RECQL: variants seen among roughly 807,000 people sequenced by gnomAD.
RECQL encodes RecQ like helicase, also known as ATP-dependent DNA helicase Q1.
A neutral mutation model predicts 75.8 loss-of-function variants in RECQL; 73 were observed. The ratio of observed to expected loss-of-function variants is 0.96; its 90% CI spans 0.80 to 1.17. The LOEUF is 1.17. Ranked by LOEUF, RECQL falls within the 50% of genes most tolerant of loss-of-function variation. RECQL has a pLI of 0.00. For missense variants in RECQL, 699 were observed against 772.1 expected, an observed-to-expected ratio of 0.91 and a Z score of 1.12; for synonymous variants, 248 against 254.4, an observed-to-expected ratio of 0.97 and a Z score of 0.24.
rs780503655 is a variant in RECQL, at chr12:21,470,174, A to G, written c.*20T>C. The G allele has an allele frequency of 7.5e-6, 12 of 1,609,528 alleles. No individual in the cohort carries two copies. In the Admixed American group the frequency reaches 2.0e-4, roughly 27 times the overall value. ...ACATGCATAAACCATCTTTAATTAG[A>G]AAATTTAGTAACATTCATATCAGGC... On this transcript the variant is annotated 3_prime_UTR_variant, in exon 15 of 15. Coordinates refer to ENST00000444129, the MANE Select transcript of RECQL (RefSeq NM_002907.4).
Position 21,501,610 on chromosome 12 carries a change from C to G in RECQL, c.-486G>C, listed in dbSNP as rs1388716966. The G allele has an allele frequency of 5.1e-6, 2 of 391,262 alleles. No homozygotes were observed. The highest frequency in any genetic ancestry group is 9.4e-6 in the Non-Finnish European group (2 of 212,790). The allele number at this position is 391,262 out of a possible 1,614,324, so 24.2% of individuals were successfully genotyped here. A position where few individuals can be genotyped will look rare whatever the true frequency, so the allele number is the denominator to read the frequency against. ...TTCCGCTACTCGGGAGTAAAATCTT[C>G]CCGCCAGCCAGCTGAGAGCATCCAC... On this transcript the variant is annotated 5_prime_UTR_variant, in exon 1 of 15. Coordinates refer to ENST00000444129, the MANE Select transcript of RECQL (RefSeq NM_002907.4).
rs367657766 is a variant in RECQL at position 21,471,479 on chromosome 12, C to T, written c.1616G>A (p.Arg539His). The T allele has an allele frequency of 5.0e-6, 8 of 1,613,020 alleles. No individual in the cohort carries two copies. The highest frequency in any genetic ancestry group is 5.9e-6 in the Non-Finnish European group (7 of 1,179,406). ...TGCAATAATCTTCTCCAGATCTTCA[C>T]GAGGAAGTGTGGGAGCCACAACACC... ...VAGVVAPTLPREDLEKIIAHF... is the reference protein window; with the variant it reads ...VAGVVAPTLPHEDLEKIIAHF... The change falls in exon 13 of 15, where the codon CGT becomes CAT. Residue 539 changes from arginine to histidine, a missense_variant. Coordinates refer to ENST00000444129, the MANE Select transcript of RECQL (RefSeq NM_002907.4).
intron 6 of RECQL, among the ~76,000 whole-genome samples, chr12:21,481,689 G>A (rs1243154056): frequency 1.3e-5 from 2 of 152,114 alleles, no homozygotes; most frequent in Non-Finnish European, 2.9e-5. Context: ...CAGTCTTCGG[G>A]CTACAAGCTC....
rs1942938964 is a variant in RECQL, at chr12:21,471,014, A to C, written c.1752T>G (p.His584Gln). 2.5e-6 allele frequency: 4 copies of C among 1,596,824 alleles called. No homozygotes were observed. The highest frequency in any genetic ancestry group is 3.4e-6 in the Non-Finnish European group (4 of 1,173,572). Residue 584 changes from histidine (H) to glutamine (Q), a missense_variant, in exon 14 of 15, where the codon CAT becomes CAG. Coordinates refer to ENST00000444129, the MANE Select transcript of RECQL (RefSeq NM_002907.4). ...ACTTTGTCACTTGCATAGTAATAGC[A>C]TGTGCCTCATTGTTCAGAAGATTAG... ...PKANLLNNEA[H>Q]AITMQVTKST...
chr12:21,490,216 G>A lies in RECQL; in HGVS notation c.377C>T (p.Pro126Leu), dbSNP rs1267616869. 9.9e-6 allele frequency: 16 copies of A among 1,610,028 alleles called. No individual in the cohort carries two copies. The highest frequency in any genetic ancestry group is 1.4e-5 in the Non-Finnish European group (16 of 1,177,124). Reference protein sequence around the residue: ...GGGKSLCYQLPALCSDGFTLV... With the variant: ...GGGKSLCYQLLALCSDGFTLV... Reference sequence around the variant, plus strand: ...GTACATACCATCTGAACATAATGCTGGTAACTGGTAACATAAGCTCTTTCC... The same window carrying A: ...GTACATACCATCTGAACATAATGCTAGTAACTGGTAACATAAGCTCTTTCC... Residue 126 changes from proline to leucine, a missense_variant, in exon 4 of 15, where the codon CCA (proline) becomes CTA (leucine). By Grantham distance (98) the Pro-to-Leu change is moderately conservative. Coordinates refer to ENST00000444129, the MANE Select transcript of RECQL (RefSeq NM_002907.4).
At chr12:21,497,454 A>C (rs1943528638) in intron 2 of RECQL, among the ~76,000 whole-genome samples, 1 of 152,380 alleles carries the variant, frequency 6.6e-6, no homozygotes, top group African/African-American at 2.4e-5. Context: ...AAATTCTCCC[A>C]GTCAGCAGTA....
chr12:21,478,595 G>A (rs1482939175), intron 6 of RECQL, among the ~76,000 whole-genome samples: 1 of 152,154 alleles, frequency 6.6e-6, no homozygotes, highest in Non-Finnish European at 1.5e-5. Flanking sequence ...CATATACACT[G>A]CAAATACACT....
intron 6 of RECQL, among the ~76,000 whole-genome samples, chr12:21,481,502 G>A (rs2137365672): frequency 6.6e-6 from 1 of 152,216 alleles, no homozygotes; most frequent in East Asian, 1.9e-4. Flanking sequence ...TAGGGCAAGA[G>A]TCACAAATCA....
intron 14 of RECQL, 21 bp from the exon 15 acceptor site, chr12:21,470,367 C>G: frequency 1.2e-6 from 1 of 869,388 alleles, no homozygotes; most frequent in Non-Finnish European, 1.6e-6. Context: ...AAAAAAAAAA[C>G]AAAGCAAGCA....
chr12:21,473,449 C>T (rs765958032), intron 12 of RECQL, 102 bp downstream of exon 12: 2 of 863,588 alleles, frequency 2.3e-6, no homozygotes, highest in South Asian at 3.0e-5. Flanking sequence ...GATGTTTGCA[C>T]AATGACAAAA....
intron 3 of RECQL, among the ~76,000 whole-genome samples, chr12:21,491,258 AG>A (rs1236803258): frequency 1.3e-5 from 2 of 152,176 alleles, no homozygotes; most frequent in South Asian, 2.1e-4. Context: ...ATGTAGGTAA[AG>A]GAAGTATCTC....
intron 2 of RECQL, among the ~76,000 whole-genome samples, chr12:21,498,636 C>G (rs1943551497): frequency 6.6e-6 from 1 of 152,164 alleles, no homozygotes; most frequent in South Asian, 2.1e-4. Context: ...AGCTACTACA[C>G]TATAGGGATA....
At chr12:21,498,265 T>C (rs536552233) in intron 2 of RECQL, among the ~76,000 whole-genome samples, 1 of 152,350 alleles carries the variant, frequency 6.6e-6, no homozygotes, top group East Asian at 1.9e-4. Flanking sequence ...CTTTAAGGGC[T>C]GGACTAGTAG....
intron 3 of RECQL, among the ~76,000 whole-genome samples, chr12:21,490,758 G>A (rs887731137): frequency 4.6e-5 from 7 of 152,148 alleles, no homozygotes; most frequent in Admixed American, 6.5e-5. Context: ...GGAGGCTGAG[G>A]AGGGAGGATT....
At position 21,477,831 on chromosome 12, in the gene RECQL, G is replaced by A. The variant is rs748146458; in HGVS notation, c.839C>T (p.Ser280Phe). 1.2e-6 allele frequency: 2 copies of A among 1,612,804 alleles called. No homozygotes were observed. The highest frequency in any genetic ancestry group is 1.7e-6 in the Non-Finnish European group (2 of 1,179,522). Reference protein sequence around the residue: ...CIEKCFTFTASFNRPNLYYEV... With the variant: ...CIEKCFTFTAFFNRPNLYYEV... ...ATAATATAGATTTGGCCTATTAAAAGAAGCTGTAAAAGTAAAACACTTTTC... is the reference window on the plus strand; with the variant it reads ...ATAATATAGATTTGGCCTATTAAAAAAAGCTGTAAAAGTAAAACACTTTTC... Residue 280 changes from serine (S) to phenylalanine (F), a missense_variant, in exon 7 of 15, where the codon TCT becomes TTT. This residue lies in a region of RECQL where 669 missense variants were observed against 713.5 expected (regional missense o/e 0.94). Coordinates refer to ENST00000444129, the MANE Select transcript of RECQL (RefSeq NM_002907.4).
intron 2 of RECQL, among the ~76,000 whole-genome samples, chr12:21,498,031 A>C (rs149299540): frequency 4.4e-4 from 67 of 152,348 alleles, no homozygotes; most frequent in African/African-American, 1.6e-3. Flanking sequence ...TATCATGTCC[A>C]CCATCCAGGA....
In RECQL at chr12:21,471,008, A is replaced by C; in HGVS notation, c.1758T>G (p.Ile586Met). The change falls in exon 14 of 15, where the codon ATT (isoleucine) becomes ATG (methionine). Residue 586 changes from isoleucine to methionine, a missense_variant. Physicochemically the swap from Ile to Met is conservative, Grantham distance 10 (BLOSUM62 1). Around this residue, in one of 2 missense-constraint regions of RECQL, gnomAD observed 669 missense variants for 713.5 expected, o/e 0.94. Coordinates refer to ENST00000444129, the MANE Select transcript of RECQL (RefSeq NM_002907.4). ...GCGTGGACTTTGTCACTTGCATAGT[A>C]ATAGCATGTGCCTCATTGTTCAGAA... ...ANLLNNEAHAITMQVTKSTQN... is the reference protein window; with the variant it reads ...ANLLNNEAHAMTMQVTKSTQN... The C allele has an allele frequency of 1.3e-6, 2 of 1,591,704 alleles. No homozygotes were observed. Among genetic ancestry groups the C allele is most frequent in the Non-Finnish European group, 1.7e-6 (2 of 1,171,542 alleles).
At chr12:21,491,462 G>GT (rs1943410475) in intron 3 of RECQL, 57 bp downstream of exon 3, 1 of 1,445,058 alleles carries the variant, frequency 6.9e-7, no homozygotes, top group Non-Finnish European at 9.1e-7. Flanking sequence ...ATTCATTCTA[G>GT]TTTTTTAAAA....
chr12:21,498,476 A>C (rs1468262041), intron 2 of RECQL, among the ~76,000 whole-genome samples: 1 of 152,206 alleles, frequency 6.6e-6, no homozygotes, highest in Non-Finnish European at 1.5e-5. Context: ...AAATGCTTGT[A>C]CCAGGGGAAA....
Sources: allele counts gnomAD v4.1 joint callset (sites outside exome capture counted in the v4.1 genomes callset), GRCh38; gene constraint gnomAD v4.1.1; regional missense constraint gnomAD v4.1.1; transcripts MANE v1.5; gene names NCBI Gene and HGNC (gene_info 2026-07-23, HGNC 2026-07-21).